The following CYS1 variants were observed in gnomAD, a reference collection of about 807,000 sequenced individuals.
CYS1 encodes the protein cystin-1.
In CYS1, 5 loss-of-function variants were observed where a neutral mutation model predicts 9.6. That is an observed-to-expected ratio of 0.52 (90% CI 0.27 to 1.10). The LOEUF (loss-of-function observed/expected upper bound fraction) is 1.10, where lower values mean the gene tolerates loss of function less well. Ranked by LOEUF, CYS1 falls within the 50% of genes least tolerant of loss-of-function variation. The probability of loss-of-function intolerance (pLI) is 0.11; values close to 1 mark genes in which losing one functional copy is unlikely to be tolerated. For synonymous variants in CYS1, 88 were observed against 95.7 expected, an observed-to-expected ratio of 0.92 and a Z score of 0.47; for missense variants, 221 against 207.9, an observed-to-expected ratio of 1.06 and a Z score of -0.39.
intron 1 of CYS1, among the ~76,000 whole-genome samples, chr2:10,069,741 G>A (rs1661740774): frequency 6.6e-6 from 1 of 152,128 alleles, no homozygotes; most frequent in African/African-American, 2.4e-5. Flanking sequence ...GGAATGCAAG[G>A]CAGAGGAAAC....
At position 10,065,513 on chromosome 2, in the gene CYS1, C is replaced by CTG. The variant is rs1301991626; in HGVS notation, c.371+389_371+390dup. Among the ~76,000 whole-genome samples, 4 of 152,360 alleles carry CTG rather than the reference C, an allele frequency of 2.6e-5. No individual in the cohort carries two copies. In the East Asian group the frequency reaches 7.7e-4, roughly 29 times the overall value. On this transcript the variant is annotated intron_variant, in intron 2 of 2. Coordinates refer to ENST00000381813, the MANE Select transcript of CYS1 (RefSeq NM_001037160.3). ...GGTTCCCTGGTAACGTGCTGTGGAG[C>CTG]TGCAGGTGGGCCCGCTGCTGGCCCT...
chr2:10,058,625 C>G lies in CYS1; in HGVS notation c.*228G>C. The G allele has an allele frequency of 2.3e-6, 1 of 438,462 alleles. No individual in the cohort carries two copies. Among genetic ancestry groups the G allele is most frequent in the East Asian group, 3.4e-5 (1 of 29,812 alleles). The allele number at this position is 438,462 out of a possible 1,614,324, so 27.2% of individuals were successfully genotyped here. On this transcript the variant is annotated 3_prime_UTR_variant, in exon 3 of 3. Transcript: ENST00000381813. ...GGAGGAGGCGCCGGCGGCCCAGGCC[C>G]ACGCACCTGTGGGTCTACACAGCTA...
intron 1 of CYS1, 129 bp downstream of exon 1, chr2:10,079,777 G>C (rs2125293356): frequency 2.0e-6 from 1 of 499,650 alleles, no homozygotes; most frequent in Admixed American, 5.7e-5. Context: ...GGCCGGGGCA[G>C]CGGGGAGCAC....
At chr2:10,073,052 G>T (rs1661793531) in intron 1 of CYS1, among the ~76,000 whole-genome samples, 1 of 150,036 alleles carries the variant, frequency 6.7e-6, no homozygotes, top group African/African-American at 2.5e-5. Flanking sequence ...ATGTGTGGGA[G>T]CAGTGCAGGT....
intron 1 of CYS1, among the ~76,000 whole-genome samples, chr2:10,066,183 T>A (rs1050581336): frequency 6.6e-6 from 1 of 152,224 alleles, no homozygotes; most frequent in African/African-American, 2.4e-5. Context: ...ACAGAGCAAG[T>A]GGCAGAGCCA....
intron 1 of CYS1, among the ~76,000 whole-genome samples, chr2:10,073,878 G>A (rs982917440): frequency 6.7e-6 from 1 of 149,290 alleles, no homozygotes; most frequent in Admixed American, 6.6e-5. Flanking sequence ...ATGTGAGGCT[G>A]TACCCCTGAC....
At chr2:10,079,558 G>A (rs1183501157) in intron 1 of CYS1, among the ~76,000 whole-genome samples, 1 of 152,022 alleles carries the variant, frequency 6.6e-6, no homozygotes, top group Non-Finnish European at 1.5e-5. Context: ...GCCACCGTCT[G>A]GCTGCCGTGC....
At chr2:10,067,887 G>A in intron 1 of CYS1, among the ~76,000 whole-genome samples, 1 of 152,108 alleles carries the variant, frequency 6.6e-6, no homozygotes, top group East Asian at 1.9e-4. Context: ...TGCACTGGCT[G>A]GGACCTCCAG....
Position 10,058,742 on chromosome 2 carries a change from G to A in CYS1, c.*111C>T. On this transcript the variant is annotated 3_prime_UTR_variant, in exon 3 of 3. Coordinates refer to ENST00000381813, the MANE Select transcript of CYS1 (RefSeq NM_001037160.3). Reference sequence around the variant, plus strand: ...TGAAAGGGCAGCTTTGAATATCCGGGAGTGACTGCGTTTTGGAGGTGGTTC... The same window carrying A: ...TGAAAGGGCAGCTTTGAATATCCGGAAGTGACTGCGTTTTGGAGGTGGTTC... 1.1e-6 allele frequency: 1 copy of A among 900,998 alleles called. No individual in the cohort carries two copies. Among genetic ancestry groups the A allele is most frequent in the Admixed American group, 2.4e-5 (1 of 41,094 alleles). 55.8% of individuals were successfully genotyped at this position (900,998 alleles called of 1,614,324 possible). A position where few individuals can be genotyped will look rare whatever the true frequency, so the allele number is the denominator to read the frequency against.
chr2:10,079,607 G>A (rs1416974413), intron 1 of CYS1, among the ~76,000 whole-genome samples: 1 of 151,944 alleles, frequency 6.6e-6, no homozygotes, highest in East Asian at 1.9e-4. Flanking sequence ...GGCCCGGGAA[G>A]GCCAGGCGGG....
rs1195509941 is a variant in CYS1 at position 10,076,915 on chromosome 2, C to G, written c.318+2991G>C. On this transcript the variant is annotated intron_variant, in intron 1 of 2. Transcript: ENST00000381813. This position sits in a 1 kb window ranked among gnomAD's most constrained non-coding sequence, Gnocchi z 4.3. ...CTGAATGCCAAACTCTTACAAAGAT[C>G]TACTCACTTGACATTTCTGTTTGGA... is the stretch of plus-strand genomic sequence containing the variant. 6.6e-6 allele frequency among the ~76,000 whole-genome samples: 1 copy of G among 152,176 alleles called. No homozygotes were observed. The highest frequency in any genetic ancestry group is 1.9e-4 in the East Asian group (1 of 5,202).
At chr2:10,061,133 G>A (rs961138005) in intron 2 of CYS1, among the ~76,000 whole-genome samples, 3 of 152,210 alleles carry the variant, frequency 2.0e-5, no homozygotes, top group Non-Finnish European at 4.4e-5. Flanking sequence ...TCAGGAGGCT[G>A]AGGCTGGAGA....
intron 1 of CYS1, among the ~76,000 whole-genome samples, chr2:10,066,899 A>T (rs1216293847): frequency 6.6e-6 from 1 of 152,256 alleles, no homozygotes; most frequent in Non-Finnish European, 1.5e-5. Context: ...TTATAGCTTT[A>T]CAATAATGAG....
rs1325935344 is a variant in CYS1, at chr2:10,056,731, C to T, written c.*2122G>A. On this transcript the variant is annotated 3_prime_UTR_variant, in exon 3 of 3. Transcript: ENST00000381813. ...TGCAGCAACGCCCACCCCTCTACTT[C>T]CAGGCACAGCCCCTCCGTCTCACAG... 6.6e-6 allele frequency: 1 copy of T among 152,310 alleles called. No homozygotes were observed. Among genetic ancestry groups the T allele is most frequent in the Non-Finnish European group, 1.5e-5 (1 of 68,082 alleles). The allele number at this position is 152,310 out of a possible 1,614,324, so 9.4% of individuals were successfully genotyped here.
Position 10,057,425 on chromosome 2 carries a change from C to G in CYS1, c.*1428G>C, listed in dbSNP as rs1033195528. 6.6e-6 allele frequency: 1 copy of G among 152,300 alleles called. No individual in the cohort carries two copies. Among genetic ancestry groups the G allele is most frequent in the Non-Finnish European group, 1.5e-5 (1 of 68,080 alleles). 9.4% of individuals were successfully genotyped at this position (152,300 alleles called of 1,614,324 possible). ...CCCGTTTGCGGATGGCCGCAGCAGG[C>G]CTGTGGGGCTGGGGACAGCGCCAAG... On this transcript the variant is annotated 3_prime_UTR_variant, in exon 3 of 3. Transcript: ENST00000381813.
chr2:10,065,898 A>G lies in CYS1; in HGVS notation c.371+6T>C, dbSNP rs1661687934. On this transcript the variant is annotated splice_donor_region_variant and intron_variant, in intron 2 of 2. Transcript: ENST00000381813. Reference sequence around the variant, plus strand: ...TCTGGGAGAGATGTGCCTCCCTGGTACTTACTCAGAGACATTGCCGCTCCC... The same window carrying G: ...TCTGGGAGAGATGTGCCTCCCTGGTGCTTACTCAGAGACATTGCCGCTCCC... 6.2e-7 allele frequency: 1 copy of G among 1,614,070 alleles called. No individual in the cohort carries two copies. Among genetic ancestry groups the G allele is most frequent in the African/African-American group, 1.3e-5 (1 of 75,038 alleles).
In CYS1 at chr2:10,058,731, TGAATATCCG is replaced by T; in HGVS notation, c.*113_*121del. On this transcript the variant is annotated 3_prime_UTR_variant, in exon 3 of 3. Coordinates refer to ENST00000381813, the MANE Select transcript of CYS1 (RefSeq NM_001037160.3). ...GAAAGTGGATTTGAAAGGGCAGCTT[TGAATATCCG>T]GGAGTGACTGCGTTTTGGAGGTGGT... is the stretch of plus-strand genomic sequence containing the variant. 1.2e-6 allele frequency: 1 copy of T among 817,512 alleles called. No individual in the cohort carries two copies. Among genetic ancestry groups the T allele is most frequent in the East Asian group, 2.8e-5 (1 of 36,038 alleles). The allele number at this position is 817,512 out of a possible 1,614,324, so 50.6% of individuals were successfully genotyped here. A position where few individuals can be genotyped will look rare whatever the true frequency, so the allele number is the denominator to read the frequency against.
chr2:10,075,922 T>G (rs1469424360), intron 1 of CYS1, among the ~76,000 whole-genome samples: 2 of 152,146 alleles, frequency 1.3e-5, no homozygotes, highest in African/African-American at 2.4e-5. Flanking sequence ...CACAGTGACT[T>G]ACACCTGTAA....
At position 10,067,548 on chromosome 2, in the gene CYS1, C is replaced by T. The variant is rs1661714795; in HGVS notation, c.319-1592G>A. Among the ~76,000 whole-genome samples, 3 of 151,798 alleles carry T rather than the reference C, an allele frequency of 2.0e-5. No individual in the cohort carries two copies. The South Asian group carries it at 6.3e-4, about 32-fold the overall frequency. On this transcript the variant is annotated intron_variant, in intron 1 of 2. Coordinates refer to ENST00000381813, the MANE Select transcript of CYS1 (RefSeq NM_001037160.3). ...TCAGCCTCTCGTGTAGCTGGGACTA[C>T]AGGCTCGTGCCACCATGAAGAGCTA...
Sources: allele counts gnomAD v4.1 joint callset (sites outside exome capture counted in the v4.1 genomes callset), GRCh38; gene constraint gnomAD v4.1.1; non-coding constraint Gnocchi (gnomAD v3.1); transcripts MANE v1.5; gene names NCBI Gene and HGNC (gene_info 2026-07-23, HGNC 2026-07-21).